The following KIF5C variants were observed in gnomAD, a reference collection of about 807,000 sequenced individuals.
The protein encoded by KIF5C is kinesin heavy chain isoform 5C.
In KIF5C, 18 loss-of-function variants were observed where a neutral mutation model predicts 125.2. The observed-to-expected ratio is 0.14, with a 90% CI of 0.10 to 0.21. KIF5C has a LOEUF of 0.21. Among genes scored for constraint, KIF5C ranks in the 10% least tolerant of loss-of-function variants. The pLI is 1.00. For missense variants in KIF5C, 780 were observed against 1,183.8 expected (o/e 0.66, Z 5.01); for synonymous variants, 405 against 434.0 (o/e 0.93, Z 0.83).
intron 1 of KIF5C, among the ~76,000 whole-genome samples, chr2:148,880,382 A>C (rs1681312156): frequency 6.6e-6 from 1 of 152,204 alleles, no homozygotes; most frequent in Non-Finnish European, 1.5e-5. Flanking sequence ...TGGCCTCCCA[A>C]AGTGCTGGGA....
intron 8 of KIF5C, among the ~76,000 whole-genome samples, chr2:148,947,616 C>G (rs1682549810): frequency 1.3e-5 from 2 of 152,154 alleles, no homozygotes; most frequent in African/African-American, 4.8e-5. Context: ...TGTCCGGATT[C>G]TCTTTTGTCG....
intron 2 of KIF5C, 122 bp from the exon 3 acceptor site, chr2:148,929,159 A>T (rs1433890957): frequency 1.6e-5 from 10 of 617,586 alleles, no homozygotes; most frequent in Non-Finnish European, 2.8e-5. Context: ...TGGAGTTGAA[A>T]TATATCATTT....
chr2:148,985,293 T>A (rs1681349635), intron 15 of KIF5C, among the ~76,000 whole-genome samples: 1 of 152,200 alleles, frequency 6.6e-6, no homozygotes, highest in Admixed American at 6.5e-5. Context: ...GAGACATTTT[T>A]AAAACAAAAC....
chr2:149,016,293 A>G (rs1202354360), intron 25 of KIF5C, among the ~76,000 whole-genome samples: 1 of 152,176 alleles, frequency 6.6e-6, no homozygotes, highest in Non-Finnish European at 1.5e-5. Flanking sequence ...GAGCTGGTTC[A>G]TGATTAGACA....
At chr2:148,907,465 A>G (rs957475324) in intron 1 of KIF5C, among the ~76,000 whole-genome samples, 5 of 152,274 alleles carry the variant, frequency 3.3e-5, no homozygotes, top group Non-Finnish European at 1.5e-5. Flanking sequence ...GCATTAACCC[A>G]GGAGGCTGAA....
In KIF5C at chr2:148,932,315, T is replaced by A. The variant is rs141170973; in HGVS notation, c.291+2961T>A. ...AAGATGTTTTTCACTTTAATCCCCC[T>A]ATTTTTGGTCTGACATCCAGTGGTG... On this transcript the variant is annotated intron_variant, in intron 3 of 25. Transcript: ENST00000435030. Among the ~76,000 whole-genome samples, 306 of 152,338 alleles carry A rather than the reference T, an allele frequency of 2.0e-3. 2 individuals carry two copies. Among genetic ancestry groups the A allele is most frequent in the African/African-American group, 7.0e-3 (291 of 41,580 alleles).
rs1370755552 is a variant in KIF5C, at chr2:149,024,234, AG to A, written c.*1165del. The A allele has an allele frequency of 9.2e-5, 14 of 152,774 alleles. No individual in the cohort carries two copies. Among genetic ancestry groups the A allele is most frequent in the Admixed American group, 9.1e-4 (14 of 15,302 alleles). The allele number at this position is 152,774 out of a possible 1,614,324, so 9.5% of individuals were successfully genotyped here. A position where few individuals can be genotyped will look rare whatever the true frequency, so the allele number is the denominator to read the frequency against. ...GCTTTATCCAAATACATGAATCTAAAGCTGAATCAACCCTTACTTCCAGTTG... is the reference window on the plus strand; with the variant it reads ...GCTTTATCCAAATACATGAATCTAAACTGAATCAACCCTTACTTCCAGTTG... On this transcript the variant is annotated 3_prime_UTR_variant, in exon 26 of 26. Coordinates refer to ENST00000435030, the MANE Select transcript of KIF5C (RefSeq NM_004522.3).
At chr2:148,967,305 C>T (rs1558922651) in intron 11 of KIF5C, among the ~76,000 whole-genome samples, 1 of 152,172 alleles carries the variant, frequency 6.6e-6, no homozygotes, top group African/African-American at 2.4e-5. Flanking sequence ...ACGAATGATT[C>T]GCAGACTCCA....
intron 2 of KIF5C, among the ~76,000 whole-genome samples, chr2:148,925,202 A>C (rs551239865): frequency 6.6e-6 from 1 of 152,270 alleles, no homozygotes; most frequent in Admixed American, 6.5e-5. Flanking sequence ...AAAAGCATAA[A>C]CACACAAATT....
At chr2:148,913,113 T>C (rs1681406760) in intron 1 of KIF5C, among the ~76,000 whole-genome samples, 1 of 152,250 alleles carries the variant, frequency 6.6e-6, no homozygotes. Flanking sequence ...GGAGTTATTT[T>C]ATCCATAATA....
intron 10 of KIF5C, among the ~76,000 whole-genome samples, chr2:148,953,049 A>C (rs768395589): frequency 6.6e-6 from 1 of 152,234 alleles, no homozygotes; most frequent in Non-Finnish European, 1.5e-5. Flanking sequence ...TCCAGGAAGT[A>C]AAAAGTAATA....
intron 10 of KIF5C, among the ~76,000 whole-genome samples, chr2:148,961,396 G>A (rs1682923235): frequency 6.6e-6 from 1 of 152,070 alleles, no homozygotes; most frequent in Non-Finnish European, 1.5e-5. Context: ...GTGTTGATGT[G>A]ATAAATACAT....
intron 3 of KIF5C, among the ~76,000 whole-genome samples, chr2:148,937,042 G>C (rs894669097): frequency 1.3e-4 from 20 of 152,090 alleles, no homozygotes; most frequent in African/African-American, 4.3e-4. Flanking sequence ...CAATAATGTG[G>C]GGCCTCAGAA....
At chr2:148,952,195 C>A (rs1330147901) in intron 10 of KIF5C, among the ~76,000 whole-genome samples, 1 of 152,120 alleles carries the variant, frequency 6.6e-6, no homozygotes, top group Non-Finnish European at 1.5e-5. Flanking sequence ...TAAACTTGAG[C>A]TTTAACAATT....
At chr2:148,884,947 C>T (rs1040671611) in intron 1 of KIF5C, among the ~76,000 whole-genome samples, 6 of 151,160 alleles carry the variant, frequency 4.0e-5, no homozygotes, top group Admixed American at 2.0e-4. Context: ...CCTATCCCCC[C>T]CTCACAATGG....
At chr2:148,928,708 G>A (rs1028951716) in intron 2 of KIF5C, among the ~76,000 whole-genome samples, 2 of 152,084 alleles carry the variant, frequency 1.3e-5, no homozygotes, top group African/African-American at 2.4e-5. Context: ...GTGAGGGCCC[G>A]GCTAGTTTCT....
intron 1 of KIF5C, among the ~76,000 whole-genome samples, chr2:148,889,072 C>A (rs1681635898): frequency 6.6e-6 from 1 of 152,182 alleles, no homozygotes; most frequent in Admixed American, 6.5e-5. Flanking sequence ...AGTATAAATT[C>A]TCCAGAAGCC....
chr2:148,954,177 C>T (rs1485674992), intron 10 of KIF5C, among the ~76,000 whole-genome samples: 1 of 152,034 alleles, frequency 6.6e-6, no homozygotes, highest in Non-Finnish European at 1.5e-5. Flanking sequence ...CATTCTGGTT[C>T]TTCCATTCAG....
intron 10 of KIF5C, among the ~76,000 whole-genome samples, chr2:148,958,393 G>A (rs1420032479): frequency 1.3e-5 from 2 of 152,102 alleles, no homozygotes; most frequent in Non-Finnish European, 2.9e-5. Context: ...GGTGTGGGAA[G>A]GTATCTCATT....
Sources: allele counts gnomAD v4.1 joint callset (sites outside exome capture counted in the v4.1 genomes callset), GRCh38; gene constraint gnomAD v4.1.1; transcripts MANE v1.5; gene names NCBI Gene and HGNC (gene_info 2026-07-23, HGNC 2026-07-21).